The following SWAP70 variants were observed in gnomAD, a reference collection of about 807,000 sequenced individuals.
The protein encoded by SWAP70 is switching B cell complex subunit SWAP70, also known as switch-associated protein 70.
A neutral mutation model predicts 80.2 loss-of-function variants in SWAP70; 34 were observed. That is an observed-to-expected ratio of 0.42 (90% confidence interval 0.32 to 0.56). The LOEUF (loss-of-function observed/expected upper bound fraction) is 0.56, where lower values mean the gene tolerates loss of function less well. SWAP70 is among the 20% of genes least tolerant of loss of function. The probability of loss-of-function intolerance (pLI) is 0.09; values close to 1 mark genes in which losing one functional copy is unlikely to be tolerated. For synonymous variants in SWAP70, 239 were observed against 238.5 expected (o/e 1.00, Z -0.02); for missense variants, 578 against 690.7 (o/e 0.84, Z 1.83).
At chr11:9,745,935 GA>G (rs1851506474) in intron 9 of SWAP70, among the ~76,000 whole-genome samples, 1 of 152,206 alleles carries the variant, frequency 6.6e-6, no homozygotes. Flanking sequence ...ACACAGGCAG[GA>G]ATCACAGGGG....
Position 9,732,700 on chromosome 11 carries a change from C to T in SWAP70, c.1070C>T (p.Ala357Val). Reference protein sequence around the residue: ...ANESKQQELEAVRKKLEEAAS... With the variant: ...ANESKQQELEVVRKKLEEAAS... ...GAAAGCAAGCAGCAGGAGCTGGAGG[C>T]CGTGCGGAAGGTGGGAATGGGCGCT... Residue 357 changes from alanine (A) to valine (V), a missense_variant, in exon 7 of 12, where the codon GCC (alanine) becomes GTC (valine). Transcript: ENST00000318950. The T allele has an allele frequency of 6.5e-7, 1 of 1,548,670 alleles. No homozygotes were observed. Among genetic ancestry groups the T allele is most frequent in the African/African-American group, 1.4e-5 (1 of 72,646 alleles).
chr11:9,697,274 C>CT (rs5789613), intron 2 of SWAP70, among the ~76,000 whole-genome samples: 25 of 143,620 alleles, frequency 1.7e-4, no homozygotes, highest in South Asian at 1.3e-3. Context: ...AGTCAGGATT[C>CT]TTTTTTTTTT....
chr11:9,728,347 T>G (rs413976), intron 5 of SWAP70, 148 bp downstream of exon 5: 41,134 of 953,278 alleles, frequency 0.043, 1,783 homozygotes, highest in East Asian at 0.17. Flanking sequence ...GCAGTTGCCA[T>G]GGTTTCTGAA....
intron 2 of SWAP70, among the ~76,000 whole-genome samples, chr11:9,695,956 G>A (rs936780758): frequency 5.9e-5 from 9 of 151,942 alleles, no homozygotes; most frequent in Admixed American, 2.6e-4. Context: ...CACCACACCT[G>A]GCTCACTTTT....
At chr11:9,738,469 T>G (rs558583556) in intron 8 of SWAP70, 149 bp downstream of exon 8, 3 of 482,892 alleles carry the variant, frequency 6.2e-6, no homozygotes, top group Non-Finnish European at 1.1e-5. Context: ...TGCATGTTTG[T>G]TCATTCATTA....
intron 2 of SWAP70, among the ~76,000 whole-genome samples, chr11:9,708,631 T>C (rs1231883224): frequency 6.6e-6 from 1 of 152,216 alleles, no homozygotes; most frequent in Admixed American, 6.5e-5. Flanking sequence ...CAGCTGTATA[T>C]CTAGCCATTT....
intron 3 of SWAP70, among the ~76,000 whole-genome samples, chr11:9,717,753 G>C (rs533703258): frequency 6.6e-6 from 1 of 152,130 alleles, no homozygotes; most frequent in Non-Finnish European, 1.5e-5. Flanking sequence ...AACTGGATGT[G>C]GGGTGGGTCT....
intron 1 of SWAP70, among the ~76,000 whole-genome samples, chr11:9,684,577 T>G (rs1850607904): frequency 1.3e-5 from 2 of 152,184 alleles, no homozygotes; most frequent in Admixed American, 1.3e-4. Context: ...TACTTGAATT[T>G]TAAGAAACTG....
chr11:9,687,582 T>C (rs1850648063), intron 1 of SWAP70, among the ~76,000 whole-genome samples: 1 of 152,216 alleles, frequency 6.6e-6, no homozygotes, highest in Non-Finnish European at 1.5e-5. Context: ...GTTGGTAAGT[T>C]ATCCAAAATA....
intron 2 of SWAP70, among the ~76,000 whole-genome samples, chr11:9,701,502 G>A (rs1350409556): frequency 1.3e-5 from 2 of 151,612 alleles, no homozygotes; most frequent in South Asian, 2.1e-4. Flanking sequence ...TTCCTTCTTG[G>A]CTGGGCGTGT....
At chr11:9,712,713 C>T (rs1427463214) in intron 2 of SWAP70, among the ~76,000 whole-genome samples, 1 of 150,516 alleles carries the variant, frequency 6.6e-6, no homozygotes, top group Admixed American at 6.6e-5. Context: ...AATAGTTTTC[C>T]CCAAAAGAAG....
chr11:9,671,726 AT>A (rs1393556566), intron 1 of SWAP70, among the ~76,000 whole-genome samples: 2 of 88,236 alleles, frequency 2.3e-5, no homozygotes, highest in African/African-American at 7.8e-5. Context: ...ATATAAATAT[AT>A]TTCTATGTAT....
At chr11:9,727,113 G>T (rs778128628) in intron 4 of SWAP70, among the ~76,000 whole-genome samples, 4 of 152,166 alleles carry the variant, frequency 2.6e-5, no homozygotes, top group African/African-American at 9.7e-5. Context: ...AATTTTGGCT[G>T]GACGTGGTGG....
intron 1 of SWAP70, among the ~76,000 whole-genome samples, chr11:9,675,610 G>T (rs1850487770): frequency 6.6e-6 from 1 of 151,840 alleles, no homozygotes; most frequent in Admixed American, 6.6e-5. Context: ...GGTCATTGCA[G>T]GTCAGTAGGT....
chr11:9,670,077 A>G (rs1850356367), intron 1 of SWAP70, among the ~76,000 whole-genome samples: 1 of 152,168 alleles, frequency 6.6e-6, no homozygotes, highest in Non-Finnish European at 1.5e-5. Flanking sequence ...CAGTGAGCCG[A>G]TATCTCACCC....
intron 2 of SWAP70, among the ~76,000 whole-genome samples, chr11:9,697,802 A>G (rs1426363985): frequency 6.6e-6 from 1 of 152,028 alleles, no homozygotes; most frequent in Non-Finnish European, 1.5e-5. Context: ...GTTTTTTGAG[A>G]CAATGTCTTG....
intron 2 of SWAP70, among the ~76,000 whole-genome samples, chr11:9,707,557 C>CTTTTTT (rs34901698): frequency 3.1e-5 from 2 of 64,812 alleles, no homozygotes; most frequent in African/African-American, 5.8e-5. Flanking sequence ...TTTTTCTTTT[C>CTTTTTT]TTTTTTTTTT....
chr11:9,699,632 A>G (rs1163309332), intron 2 of SWAP70, among the ~76,000 whole-genome samples: 2 of 152,114 alleles, frequency 1.3e-5, no homozygotes, highest in African/African-American at 4.8e-5. Flanking sequence ...AGGTAGGAGC[A>G]TCATTTGAGC....
At chr11:9,749,720 T>G (rs546552643) in intron 11 of SWAP70, 144 bp from the exon 12 acceptor site, 6 of 578,358 alleles carry the variant, frequency 1.0e-5, no homozygotes, top group Middle Eastern at 4.4e-4. Flanking sequence ...ATACATCTTC[T>G]AATTGTTTTA....
Sources: allele counts gnomAD v4.1 joint callset (sites outside exome capture counted in the v4.1 genomes callset), GRCh38; gene constraint gnomAD v4.1.1; transcripts MANE v1.5; gene names NCBI Gene and HGNC (gene_info 2026-07-23, HGNC 2026-07-21).